The following CERS6 variants were observed in gnomAD, a reference collection of about 807,000 sequenced individuals.
CERS6 encodes the protein LAG1 homolog, ceramide synthase 6.
A neutral mutation model predicts 56.8 loss-of-function variants in CERS6; 26 were observed. The observed-to-expected ratio is 0.46, with a 90% CI of 0.34 to 0.63. The LOEUF (loss-of-function observed/expected upper bound fraction) is 0.63. CERS6 is among the 30% of genes least tolerant of loss of function. The pLI is 0.01. For synonymous variants in CERS6, 164 were observed against 173.3 expected (o/e 0.95, Z 0.42); for missense variants, 415 against 467.5 (o/e 0.89, Z 1.04).
intron 1 of CERS6, among the ~76,000 whole-genome samples, chr2:168,493,684 T>A (rs1694413603): frequency 6.6e-6 from 1 of 152,118 alleles, no homozygotes; most frequent in African/African-American, 2.4e-5. Flanking sequence ...AACCCACATG[T>A]GTATTACAGT....
chr2:168,734,789 C>T (rs998853842), intron 8 of CERS6, among the ~76,000 whole-genome samples: 22 of 152,324 alleles, frequency 1.4e-4, no homozygotes, highest in Non-Finnish European at 3.1e-4. Context: ...CTATATGCAT[C>T]TGGAGCACAT....
intron 2 of CERS6, among the ~76,000 whole-genome samples, chr2:168,554,321 T>G (rs1354083121): frequency 2.0e-5 from 3 of 152,192 alleles, no homozygotes; most frequent in African/African-American, 4.8e-5. Flanking sequence ...GGTCGAATTA[T>G]TTTCTTCCCC....
chr2:168,732,305 G>A (rs1262268036), intron 8 of CERS6, among the ~76,000 whole-genome samples: 1 of 152,146 alleles, frequency 6.6e-6, no homozygotes, highest in Non-Finnish European at 1.5e-5. Flanking sequence ...TTCCAGCAGG[G>A]CTAGGACCAC....
At chr2:168,485,167 C>CTT (rs530485337) in intron 1 of CERS6, among the ~76,000 whole-genome samples, 7,449 of 137,288 alleles carry the variant, frequency 0.054, 239 homozygotes, top group East Asian at 0.17. Context: ...CACTGCCTTG[C>CTT]TTTTTTTTTT....
chr2:168,591,442 A>G (rs1683668054), intron 3 of CERS6, among the ~76,000 whole-genome samples: 1 of 152,214 alleles, frequency 6.6e-6, no homozygotes, highest in Non-Finnish European at 1.5e-5. Flanking sequence ...ATACTTTTAA[A>G]TAACTTGGGT....
intron 1 of CERS6, among the ~76,000 whole-genome samples, chr2:168,481,602 C>T (rs1457578120): frequency 6.6e-6 from 1 of 152,198 alleles, no homozygotes; most frequent in Admixed American, 6.5e-5. Context: ...CCTGACCCGT[C>T]TTCATTAGCT....
intron 8 of CERS6, among the ~76,000 whole-genome samples, chr2:168,728,155 A>G (rs1054442963): frequency 1.3e-5 from 2 of 152,152 alleles, no homozygotes; most frequent in African/African-American, 2.4e-5. Context: ...GCTTTATGCT[A>G]CAGTGGCATG....
chr2:168,596,415 G>A, intron 3 of CERS6, among the ~76,000 whole-genome samples: 1 of 152,130 alleles, frequency 6.6e-6, no homozygotes, highest in East Asian at 1.9e-4. Flanking sequence ...ATTGTTCAGG[G>A]AAATGTAGAT....
At chr2:168,552,417 A>G (rs1379206962) in intron 2 of CERS6, among the ~76,000 whole-genome samples, 1 of 151,906 alleles carries the variant, frequency 6.6e-6, no homozygotes, top group African/African-American at 2.4e-5. Flanking sequence ...AGAGAAAGAA[A>G]AAATGAAAGA....
At chr2:168,718,434 G>A (rs890426257) in intron 8 of CERS6, among the ~76,000 whole-genome samples, 2 of 152,194 alleles carry the variant, frequency 1.3e-5, no homozygotes, top group Non-Finnish European at 2.9e-5. Context: ...GGCCCACTGA[G>A]TGAGAAACTC....
At chr2:168,517,579 G>A (rs1044956376) in intron 1 of CERS6, among the ~76,000 whole-genome samples, 1 of 151,762 alleles carries the variant, frequency 6.6e-6, no homozygotes, top group African/African-American at 2.4e-5. Flanking sequence ...GTGTGGTTGT[G>A]GAACTAAAGC....
At chr2:168,609,054 CTGCCTGT>C (rs1280998365) in intron 3 of CERS6, among the ~76,000 whole-genome samples, 4 of 152,192 alleles carry the variant, frequency 2.6e-5, no homozygotes, top group African/African-American at 9.6e-5. Context: ...GGTTTACCTG[CTGCCTGT>C]ATCTTTTTAC....
rs368779209 is a variant in CERS6, at chr2:168,742,008, G to C, written c.846-23584G>C. Among the ~76,000 whole-genome samples, 47 of 152,338 alleles carry C rather than the reference G, an allele frequency of 3.1e-4. 4 individuals are homozygous for C. Among genetic ancestry groups the C allele is most frequent in the Admixed American group, 2.2e-3 (33 of 15,306 alleles). On this transcript the variant is annotated intron_variant, in intron 8 of 9. Coordinates refer to ENST00000305747, the MANE Select transcript of CERS6 (RefSeq NM_203463.3). The stretch of plus-strand genomic sequence containing the variant: ...TTCAGTCAGAGTATTCAGGGGAAAA[G>C]ATTTGAGCTTTGACGTGACTATTGT...
chr2:168,758,177 G>T (rs936855453), intron 8 of CERS6, among the ~76,000 whole-genome samples: 4 of 152,144 alleles, frequency 2.6e-5, no homozygotes, highest in Non-Finnish European at 1.5e-5. Context: ...GTTTTGTGTA[G>T]GTCAAATGAA....
intron 6 of CERS6, among the ~76,000 whole-genome samples, chr2:168,697,985 C>T (rs373943036): frequency 6.6e-5 from 10 of 152,176 alleles, no homozygotes; most frequent in East Asian, 5.8e-4. Context: ...AGTTTGTTTT[C>T]GCACTGCTGT....
chr2:168,697,072 G>A (rs1476090394), intron 6 of CERS6, among the ~76,000 whole-genome samples: 2 of 152,134 alleles, frequency 1.3e-5, no homozygotes, highest in Non-Finnish European at 1.5e-5. Flanking sequence ...AGGAGTCTGT[G>A]GGCCTACTAC....
chr2:168,719,824 G>A (rs1049219098), intron 8 of CERS6, among the ~76,000 whole-genome samples: 2 of 151,810 alleles, frequency 1.3e-5, no homozygotes, highest in African/African-American at 4.8e-5. Context: ...ATATAATGCA[G>A]GCTTTATAGT....
intron 3 of CERS6, among the ~76,000 whole-genome samples, chr2:168,591,257 T>A (rs2105403214): frequency 6.6e-6 from 1 of 152,358 alleles, no homozygotes; most frequent in South Asian, 2.1e-4. Flanking sequence ...TTATTCAAAA[T>A]TCTCTACATA....
intron 8 of CERS6, among the ~76,000 whole-genome samples, chr2:168,739,052 A>ATC (rs1683809428): frequency 1.1e-5 from 1 of 87,624 alleles, no homozygotes; most frequent in African/African-American, 4.9e-5. Context: ...CACCCGGCTA[A>ATC]TTTTTTTTTT....
Sources: gnomAD v4.1 joint callset for allele counts (sites outside exome capture counted in the v4.1 genomes callset) on GRCh38, gnomAD v4.1.1 for gene constraint, MANE v1.5 for transcripts, NCBI Gene and HGNC (gene_info 2026-07-23, HGNC 2026-07-21) for gene names.